DCLK1: variants seen among roughly 807,000 people sequenced by gnomAD.
DCLK1 encodes the protein serine/threonine-protein kinase DCLK1.
A neutral mutation model predicts 86.2 loss-of-function variants in DCLK1; 16 were observed. The ratio of observed to expected loss-of-function variants is 0.19; its 90% CI spans 0.13 to 0.28. The LOEUF is 0.28. Ranked by LOEUF, DCLK1 falls within the 10% of genes least tolerant of loss-of-function variation. The pLI is 1.00. For synonymous variants in DCLK1, 369 were observed against 370.5 expected (o/e 1.00, Z 0.05); for missense variants, 590 against 940.2 (o/e 0.63, Z 4.87).
chr13:35,962,763 C>T (rs1878523924), intron 3 of DCLK1, among the ~76,000 whole-genome samples: 1 of 152,166 alleles, frequency 6.6e-6, no homozygotes, highest in Non-Finnish European at 1.5e-5. Context: ...TACATATGTT[C>T]TGCCAACATG....
Position 35,986,863 on chromosome 13 carries a change from G to A in DCLK1, c.724-39406C>T, listed in dbSNP as rs1433242255. ...ATGCGCGCAATGGGTATGAAGCACA[G>A]AACATGTGGTCAGGGAGGGAGATCA... is the stretch of plus-strand genomic sequence containing the variant. On this transcript the variant is annotated intron_variant, in intron 3 of 16. Coordinates refer to ENST00000360631, the MANE Select transcript of DCLK1 (RefSeq NM_001330071.2). Among the ~76,000 whole-genome samples, 3 of 152,132 alleles carry A rather than the reference G, an allele frequency of 2.0e-5. No homozygotes were observed. The East Asian group carries it at 5.8e-4, about 29-fold the overall frequency.
rs1325184363 is a variant in DCLK1, at chr13:36,074,511, A to C, written c.723+37358T>G. 5.7e-5 allele frequency among the ~76,000 whole-genome samples: 6 copies of C among 105,960 alleles called. 1 individual carries two copies. Among genetic ancestry groups the C allele is most frequent in the Admixed American group, 1.1e-4 (1 of 9,310 alleles). 69.5% of individuals were successfully genotyped at this position (105,960 alleles called of 152,430 possible). Reference sequence around the variant, plus strand: ...AAAAAAAAAAAAAAAAAAAAAAAAAAAAAAAACAGAGAAGACAATACAGTT... The same window carrying C: ...AAAAAAAAAAAAAAAAAAAAAAAAACAAAAAACAGAGAAGACAATACAGTT... On this transcript the variant is annotated intron_variant, in intron 3 of 16. Transcript: ENST00000360631.
chr13:35,830,946 G>C (rs930872449), intron 8 of DCLK1, among the ~76,000 whole-genome samples: 4 of 152,146 alleles, frequency 2.6e-5, no homozygotes, highest in African/African-American at 9.7e-5. Flanking sequence ...CCTCAGGGCT[G>C]GTGTAGAGCA....
intron 3 of DCLK1, among the ~76,000 whole-genome samples, chr13:35,988,146 G>T (rs1880035304): frequency 6.6e-6 from 1 of 152,206 alleles, no homozygotes; most frequent in Non-Finnish European, 1.5e-5. Context: ...CTCCAACCCT[G>T]AGTGGCTGGA....
intron 8 of DCLK1, among the ~76,000 whole-genome samples, chr13:35,831,034 C>T (rs968453325): frequency 1.3e-5 from 2 of 152,148 alleles, no homozygotes; most frequent in Non-Finnish European, 2.9e-5. Context: ...TGTTGGCTCC[C>T]AGCAGGCCAA....
chr13:35,804,486 A>G (rs2086987638), intron 15 of DCLK1, among the ~76,000 whole-genome samples: 1 of 149,056 alleles, frequency 6.7e-6, no homozygotes. Context: ...AGATTGGAGT[A>G]CAGTGGCACA....
intron 16 of DCLK1, chr13:35,787,967 T>C: frequency 2.0e-6 from 1 of 496,844 alleles, no homozygotes; most frequent in Admixed American, 3.3e-5. Context: ...CTTTTAACCA[T>C]AAGGAAAATT....
At chr13:36,091,437 G>A (rs1480052263) in intron 3 of DCLK1, among the ~76,000 whole-genome samples, 1 of 152,160 alleles carries the variant, frequency 6.6e-6, no homozygotes, top group African/African-American at 2.4e-5. Context: ...TCTCAGGGCA[G>A]GGACCATAAC....
intron 3 of DCLK1, among the ~76,000 whole-genome samples, chr13:35,994,288 A>G (rs757800436): frequency 6.6e-6 from 1 of 152,202 alleles, no homozygotes; most frequent in Non-Finnish European, 1.5e-5. Context: ...GCAGGAGCCA[A>G]GCGAATTAGT....
At chr13:35,780,128 T>TTG (rs755981765) in intron 16 of DCLK1, among the ~76,000 whole-genome samples, 89 of 152,000 alleles carry the variant, frequency 5.9e-4, no homozygotes, top group Admixed American at 9.2e-4. Flanking sequence ...CAACTTGATT[T>TTG]TGTGTGTGTG....
At chr13:36,123,863 T>C (rs1886073524) in intron 2 of DCLK1, among the ~76,000 whole-genome samples, 1 of 152,214 alleles carries the variant, frequency 6.6e-6, no homozygotes, top group South Asian at 2.1e-4. Context: ...ACAAAGAAGA[T>C]GGTGACAAGC....
chr13:35,838,547 A>T (rs535569492), intron 7 of DCLK1, among the ~76,000 whole-genome samples: 1 of 152,316 alleles, frequency 6.6e-6, no homozygotes, highest in East Asian at 1.9e-4. Flanking sequence ...TTAGTGAAAA[A>T]GTCATTTCTG....
chr13:35,788,030 T>C, intron 16 of DCLK1: 1 of 637,112 alleles, frequency 1.6e-6, no homozygotes, highest in Non-Finnish European at 2.8e-6. Context: ...GTGTGAATAA[T>C]GGGTGAAAAA....
chr13:35,777,961 T>G (rs1211416598), intron 16 of DCLK1, among the ~76,000 whole-genome samples: 1 of 152,226 alleles, frequency 6.6e-6, no homozygotes, highest in Non-Finnish European at 1.5e-5. Context: ...TCCCTACCAC[T>G]TTGTAGACTC....
intron 2 of DCLK1, among the ~76,000 whole-genome samples, chr13:36,122,751 G>A (rs1886039884): frequency 1.3e-5 from 2 of 152,124 alleles, no homozygotes; most frequent in Admixed American, 1.3e-4. Context: ...GCAAACAAGA[G>A]TGTCACCTTT....
chr13:35,803,956 A>T (rs1043491128), intron 15 of DCLK1, among the ~76,000 whole-genome samples: 12 of 152,286 alleles, frequency 7.9e-5, no homozygotes, highest in Admixed American at 3.9e-4. Context: ...TTAGTGATGG[A>T]GCTTCCCCAT....
At chr13:36,083,688 CT>C (rs1447506512) in intron 3 of DCLK1, among the ~76,000 whole-genome samples, 1 of 152,132 alleles carries the variant, frequency 6.6e-6, no homozygotes, top group African/African-American at 2.4e-5. Flanking sequence ...AATCTTTTTC[CT>C]TGAGTTTTCC....
At chr13:35,947,504 T>C (rs1454278843) in intron 3 of DCLK1, 47 bp from the exon 4 acceptor site, 1 of 1,506,250 alleles carries the variant, frequency 6.6e-7, no homozygotes. Context: ...AGAACAGCAA[T>C]TACAACAATG....
Position 35,854,490 on chromosome 13 carries a change from T to A in DCLK1, c.1035+9A>T. On this transcript the variant is annotated intron_variant, in intron 6 of 16. Transcript: ENST00000360631. ...AGGTCTGAAACAAGCAGCTTGCTTA[T>A]TTCCTTACCCTCTGCTTCCGCAGGC... The A allele has an allele frequency of 6.3e-7, 1 of 1,588,740 alleles. No homozygotes were observed. Among genetic ancestry groups the A allele is most frequent in the Non-Finnish European group, 8.6e-7 (1 of 1,167,146 alleles).
Sources: allele counts gnomAD v4.1 joint callset (sites outside exome capture counted in the v4.1 genomes callset), GRCh38; gene constraint gnomAD v4.1.1; transcripts MANE v1.5; gene names NCBI Gene and HGNC (gene_info 2026-07-23, HGNC 2026-07-21).